Variants in HBS1L observed in about 807,000 individuals in gnomAD.
The protein encoded by HBS1L is HBS1-like protein.
A neutral mutation model predicts 88.9 loss-of-function variants in HBS1L; 55 were observed. The ratio of observed to expected loss-of-function variants is 0.62; its 90% CI spans 0.50 to 0.77. HBS1L has a LOEUF of 0.77. HBS1L is among the 30% of genes least tolerant of loss of function. The pLI, the probability that HBS1L is intolerant of heterozygous loss-of-function variation, is 0.00. For synonymous variants in HBS1L, 267 were observed against 288.5 expected (o/e 0.93, Z 0.76); for missense variants, 741 against 829.3 (o/e 0.89, Z 1.31).
chr6:135,052,436 G>C (rs140311461), intron 1 of HBS1L, among the ~76,000 whole-genome samples: 257 of 151,974 alleles, frequency 1.7e-3, no homozygotes, highest in Middle Eastern at 6.8e-3. Flanking sequence ...ACCGGGCATG[G>C]GGGCACATGC....
chr6:135,011,631 G>A (rs145487806), intron 4 of HBS1L, among the ~76,000 whole-genome samples: 7 of 152,160 alleles, frequency 4.6e-5, no homozygotes, highest in East Asian at 1.9e-4. Flanking sequence ...CTGGCTGGGC[G>A]CGGTGGCTCA....
At chr6:134,995,215 A>G (rs1369230098) in intron 7 of HBS1L, among the ~76,000 whole-genome samples, 2 of 152,148 alleles carry the variant, frequency 1.3e-5, no homozygotes, top group African/African-American at 2.4e-5. Flanking sequence ...CCCTAAGGAT[A>G]TGAAATGTCA....
At chr6:135,045,093 G>A (rs901162023) in intron 2 of HBS1L, among the ~76,000 whole-genome samples, 6 of 144,762 alleles carry the variant, frequency 4.1e-5, no homozygotes, top group Non-Finnish European at 6.1e-5. Flanking sequence ...ACTCCCCCAG[G>A]AGAAGTATTG....
intron 8 of HBS1L, among the ~76,000 whole-genome samples, chr6:134,990,619 C>T (rs903312554): frequency 7.2e-5 from 11 of 152,194 alleles, no homozygotes; most frequent in South Asian, 2.1e-4. Context: ...CCTTCCCTCA[C>T]GGCTCACTGC....
intron 15 of HBS1L, 23 bp from the exon 16 acceptor site, chr6:134,969,361 T>A: frequency 7.1e-7 from 1 of 1,407,682 alleles, no homozygotes; most frequent in Non-Finnish European, 1.0e-6. Context: ...ATTATAACAC[T>A]AAAAATCTGC....
chr6:134,996,970 C>T, intron 6 of HBS1L, 28 bp from the exon 7 acceptor site: 1 of 1,509,940 alleles, frequency 6.6e-7, no homozygotes, highest in Non-Finnish European at 8.9e-7. Flanking sequence ...AGGATTAATA[C>T]CAGGTACATT....
chr6:134,993,377 A>T (rs1280030264), intron 8 of HBS1L, among the ~76,000 whole-genome samples: 1 of 152,210 alleles, frequency 6.6e-6, no homozygotes, highest in Non-Finnish European at 1.5e-5. Flanking sequence ...TTATTTCTGC[A>T]TAAACAAGCT....
intron 4 of HBS1L, among the ~76,000 whole-genome samples, chr6:135,005,154 T>C (rs1274335658): frequency 1.3e-5 from 2 of 152,158 alleles, no homozygotes; most frequent in African/African-American, 2.4e-5. Context: ...CAAGAGCCAT[T>C]TGAAAAAAGT....
intron 11 of HBS1L, 79 bp from the exon 12 acceptor site, chr6:134,985,488 C>T (rs1181866749): frequency 1.3e-6 from 1 of 792,550 alleles, no homozygotes; most frequent in Non-Finnish European, 2.1e-6. Flanking sequence ...TCATTATAAT[C>T]CCACTTCTCC....
chr6:135,046,952 G>C (rs1338337371), intron 2 of HBS1L, among the ~76,000 whole-genome samples: 2 of 152,142 alleles, frequency 1.3e-5, no homozygotes, highest in Non-Finnish European at 2.9e-5. Context: ...AAAATGTTTT[G>C]AAAAATTTAA....
chr6:134,964,974 G>A lies in HBS1L; in HGVS notation c.*305C>T. 2.5e-6 allele frequency: 1 copy of A among 406,056 alleles called. No homozygotes were observed. Among genetic ancestry groups the A allele is most frequent in the South Asian group, 2.7e-5 (1 of 36,390 alleles). 25.2% of individuals were successfully genotyped at this position (406,056 alleles called of 1,614,324 possible). ...TGGCCAGAAGTAGAGTTCATTTCAT[G>A]ATGATTCAGTATCTTCAGATACTAT... On this transcript the variant is annotated 3_prime_UTR_variant, in exon 18 of 18. Coordinates refer to ENST00000367837, the MANE Select transcript of HBS1L (RefSeq NM_006620.4).
rs1777175767 is a variant in HBS1L, at chr6:135,054,213, G to A, written c.43+436C>T. Among the ~76,000 whole-genome samples, 2 of 152,326 alleles carry A rather than the reference G, an allele frequency of 1.3e-5. 1 individual carries two copies. Among genetic ancestry groups the A allele is most frequent in the South Asian group, 4.1e-4 (2 of 4,830 alleles). On this transcript the variant is annotated intron_variant, in intron 1 of 17. Transcript: ENST00000367837. The stretch of plus-strand genomic sequence containing the variant: ...CCATGTAAATCTAACACAGGTACAC[G>A]TCCGTTGAATGTATTAAGTCAATCT...
chr6:135,035,750 C>CAAAAAAAAAAAAAAAAAAAAAAAAAA (rs34517904), intron 4 of HBS1L: 2 of 71,084 alleles, frequency 2.8e-5, no homozygotes, highest in Admixed American at 2.3e-4. Flanking sequence ...GACTCTGTCT[C>CAAAAAAAAAAAAAAAAAAAAAAAAAA]AAAAAAAAAA....
chr6:134,977,869 A>C (rs1013543652), intron 15 of HBS1L, among the ~76,000 whole-genome samples: 1 of 152,076 alleles, frequency 6.6e-6, no homozygotes, highest in Non-Finnish European at 1.5e-5. Context: ...AAGTACAAAA[A>C]CTATAAGAGT....
intron 4 of HBS1L, among the ~76,000 whole-genome samples, chr6:135,004,850 A>G (rs1387443015): frequency 6.6e-6 from 1 of 152,212 alleles, no homozygotes; most frequent in South Asian, 2.1e-4. Flanking sequence ...ATAATTGGTA[A>G]TTGAAGACAT....
chr6:135,030,347 T>C (rs1776349447), intron 4 of HBS1L, among the ~76,000 whole-genome samples: 1 of 151,058 alleles, frequency 6.6e-6, no homozygotes, highest in Admixed American at 6.6e-5. Flanking sequence ...TACCCCATGA[T>C]TGAGAGTAAA....
chr6:134,992,511 T>C (rs1258705286), intron 8 of HBS1L, among the ~76,000 whole-genome samples: 1 of 152,240 alleles, frequency 6.6e-6, no homozygotes, highest in Non-Finnish European at 1.5e-5. Flanking sequence ...TAGTGGTTTA[T>C]GTACTTACTA....
At chr6:135,007,653 T>C (rs1355658233) in intron 4 of HBS1L, among the ~76,000 whole-genome samples, 1 of 152,124 alleles carries the variant, frequency 6.6e-6, no homozygotes, top group African/African-American at 2.4e-5. Flanking sequence ...CAAACTCTAC[T>C]GACATAAGTC....
At chr6:135,031,042 G>C (rs940998033) in intron 4 of HBS1L, among the ~76,000 whole-genome samples, 2 of 151,938 alleles carry the variant, frequency 1.3e-5, no homozygotes, top group Non-Finnish European at 2.9e-5. Context: ...TGTACTTTTT[G>C]TTGGTAATTT....
Sources: gnomAD v4.1 joint callset for allele counts (sites outside exome capture counted in the v4.1 genomes callset) on GRCh38, gnomAD v4.1.1 for gene constraint, MANE v1.5 for transcripts, NCBI Gene and HGNC (gene_info 2026-07-23, HGNC 2026-07-21) for gene names.